Variants in JAM3 observed in about 807,000 individuals in gnomAD.
JAM3 encodes junctional adhesion molecule 3.
In JAM3, 31 loss-of-function variants were observed where a neutral mutation model predicts 39.4. That is an observed-to-expected ratio of 0.79 (90% CI 0.59 to 1.06). JAM3 has a LOEUF of 1.06. Among genes scored for constraint, JAM3 ranks in the 50% least tolerant of loss-of-function variants. JAM3 has a pLI of 0.00. For missense variants in JAM3, 455 were observed against 391.4 expected (o/e 1.16, Z -1.37); for synonymous variants, 182 against 148.7 (o/e 1.22, Z -1.63).
chr11:134,114,891 A>G (rs1044204872), intron 1 of JAM3, among the ~76,000 whole-genome samples: 2 of 152,174 alleles, frequency 1.3e-5, no homozygotes, highest in African/African-American at 2.4e-5. Context: ...AAAAATCAGC[A>G]TTCTTACTGA....
intron 1 of JAM3, among the ~76,000 whole-genome samples, chr11:134,107,455 G>C (rs470639): frequency 0.45 from 68,077 of 151,832 alleles, 18,150 homozygotes; most frequent in African/African-American, 0.76. Flanking sequence ...ACGTTGTACA[G>C]ATGTACCCTA....
In JAM3 at chr11:134,151,185, G is replaced by A. The variant is rs1195154396; in HGVS notation, c.*2004G>A. 6.6e-6 allele frequency: 1 copy of A among 152,206 alleles called. No homozygotes were observed. The highest frequency in any genetic ancestry group is 6.5e-5 in the Admixed American group (1 of 15,282). The allele number at this position is 152,206 out of a possible 1,614,324, so 9.4% of individuals were successfully genotyped here. ...CAGTGTCTTGGGTTTTTTATACTTT[G>A]ACAGCTTTTTTTTAATTGCATACAT... On this transcript the variant is annotated 3_prime_UTR_variant, in exon 9 of 9. Coordinates refer to ENST00000299106, the MANE Select transcript of JAM3 (RefSeq NM_032801.5).
intron 1 of JAM3, among the ~76,000 whole-genome samples, chr11:134,087,016 G>T (rs1941755886): frequency 6.6e-6 from 1 of 151,936 alleles, no homozygotes; most frequent in Non-Finnish European, 1.5e-5. Context: ...TGTTGCCCAG[G>T]CTGGTCTCAA....
intron 1 of JAM3, among the ~76,000 whole-genome samples, chr11:134,076,249 G>C (rs1179784965): frequency 2.7e-5 from 4 of 149,800 alleles, no homozygotes; most frequent in African/African-American, 9.8e-5. Flanking sequence ...CCACCTCCCG[G>C]GGTCAAGCAA....
At chr11:134,090,629 T>C (rs977339632) in intron 1 of JAM3, among the ~76,000 whole-genome samples, 10 of 152,246 alleles carry the variant, frequency 6.6e-5, no homozygotes, top group Non-Finnish European at 1.0e-4. Flanking sequence ...GATCCTGGAG[T>C]GCTTTCAAGC....
intron 1 of JAM3, among the ~76,000 whole-genome samples, chr11:134,108,037 T>C (rs1347957579): frequency 1.3e-5 from 2 of 151,566 alleles, no homozygotes; most frequent in African/African-American, 4.8e-5. Context: ...AAAATATCAG[T>C]AAAATTAAGA....
chr11:134,106,296 G>A (rs1453226638), intron 1 of JAM3, among the ~76,000 whole-genome samples: 1 of 151,994 alleles, frequency 6.6e-6, no homozygotes, highest in Admixed American at 6.6e-5. Context: ...CTAGCCATAT[G>A]TAGAAAGCTG....
chr11:134,139,565 A>G (rs926440530), intron 1 of JAM3: 7 of 427,380 alleles, frequency 1.6e-5, no homozygotes, highest in African/African-American at 1.0e-4. Context: ...TCAATAGGAA[A>G]TGCTTAGACA....
At chr11:134,125,733 C>T (rs916340416) in intron 1 of JAM3, among the ~76,000 whole-genome samples, 4 of 152,182 alleles carry the variant, frequency 2.6e-5, no homozygotes, top group Non-Finnish European at 4.4e-5. Context: ...ACAGCTCGTT[C>T]AAGTCCCAGC....
chr11:134,123,859 A>C lies in JAM3; in HGVS notation c.77-15992A>C, dbSNP rs967369257. The C allele has an allele frequency of 4.9e-6, 4 of 822,104 alleles. No homozygotes were observed. In the African/African-American group the frequency reaches 6.7e-5, roughly 14 times the overall value. 50.9% of individuals were successfully genotyped at this position (822,104 alleles called of 1,614,324 possible). A position where few individuals can be genotyped will look rare whatever the true frequency, so the allele number is the denominator to read the frequency against. On this transcript the variant is annotated intron_variant, in intron 1 of 8. Coordinates refer to ENST00000299106, the MANE Select transcript of JAM3 (RefSeq NM_032801.5). ...CAGCAGTGCCCGTTGGTATCTCTGA[A>C]GCGTAATCACATCTTAGGTCAGTAT...
At chr11:134,112,045 A>G (rs975615489) in intron 1 of JAM3, among the ~76,000 whole-genome samples, 2 of 152,210 alleles carry the variant, frequency 1.3e-5, no homozygotes, top group East Asian at 3.8e-4. Flanking sequence ...CTACTATGTG[A>G]AAACTGCCCA....
At chr11:134,083,289 C>T (rs549726956) in intron 1 of JAM3, among the ~76,000 whole-genome samples, 40 of 152,098 alleles carry the variant, frequency 2.6e-4, no homozygotes, top group African/African-American at 9.7e-4. Flanking sequence ...CAGATCGCTC[C>T]CTCCCTTTCC....
At chr11:134,070,029 C>A in intron 1 of JAM3, 1 of 357,806 alleles carries the variant, frequency 2.8e-6, no homozygotes, top group South Asian at 2.1e-5. Context: ...TCATTAGATC[C>A]ACATTTTCCT....
chr11:134,139,984 C>G, intron 2 of JAM3, 68 bp downstream of exon 2: 1 of 1,199,032 alleles, frequency 8.3e-7, no homozygotes, highest in Non-Finnish European at 1.2e-6. Flanking sequence ...TTGCAGCCAA[C>G]TCAGGACACA....
chr11:134,092,300 C>G (rs1012898015), intron 1 of JAM3, among the ~76,000 whole-genome samples: 1 of 151,768 alleles, frequency 6.6e-6, no homozygotes, highest in Non-Finnish European at 1.5e-5. Context: ...CATGTTCCAC[C>G]TTAAACGTCA....
rs539751994 is a variant in JAM3 at position 134,129,011 on chromosome 11, A to G, written c.77-10840A>G. On this transcript the variant is annotated intron_variant, in intron 1 of 8. Coordinates refer to ENST00000299106, the MANE Select transcript of JAM3 (RefSeq NM_032801.5). ...GGAAGTCCAAAATCAAGGTGCTGGC[A>G]GGGTTGGTTTCTCCTGAGACCTCTC... 2.6e-5 allele frequency among the ~76,000 whole-genome samples: 4 copies of G among 152,230 alleles called. No individual in the cohort carries two copies. The South Asian group carries it at 8.3e-4, about 32-fold the overall frequency.
intron 1 of JAM3, among the ~76,000 whole-genome samples, chr11:134,095,265 C>T (rs1252981756): frequency 6.6e-6 from 1 of 152,128 alleles, no homozygotes; most frequent in Non-Finnish European, 1.5e-5. Context: ...TTCTAAAGAT[C>T]TGTTTGCATG....
chr11:134,140,316 G>T (rs1038560394), intron 2 of JAM3, among the ~76,000 whole-genome samples: 2 of 152,044 alleles, frequency 1.3e-5, no homozygotes, highest in Non-Finnish European at 2.9e-5. Context: ...GCCATGTTTG[G>T]CCTGACTGGT....
chr11:134,072,588 G>T (rs1941499417), intron 1 of JAM3, among the ~76,000 whole-genome samples: 1 of 152,216 alleles, frequency 6.6e-6, no homozygotes, highest in African/African-American at 2.4e-5. Flanking sequence ...GAGATTACAG[G>T]CGTGAGCCAC....
Sources: allele counts gnomAD v4.1 joint callset (sites outside exome capture counted in the v4.1 genomes callset), GRCh38; gene constraint gnomAD v4.1.1; transcripts MANE v1.5; gene names NCBI Gene and HGNC (gene_info 2026-07-23, HGNC 2026-07-21).